GLRA1: variants seen among roughly 807,000 people sequenced by gnomAD.
GLRA1 encodes the protein glycine receptor alpha 1, also known as glycine receptor subunit alpha-1.
A neutral mutation model predicts 48.3 loss-of-function variants in GLRA1; 37 were observed. The observed-to-expected ratio is 0.77, with a 90% confidence interval of 0.59 to 1.01. GLRA1 has a LOEUF of 1.01. Ranked by LOEUF, GLRA1 falls within the 50% of genes least tolerant of loss-of-function variation. GLRA1 has a pLI of 0.00. For synonymous variants in GLRA1, 196 were observed against 210.7 expected (o/e 0.93, Z 0.60); for missense variants, 427 against 571.0 (o/e 0.75, Z 2.57).
chr5:151,832,942 G>C (rs1763462413), intron 7 of GLRA1, among the ~76,000 whole-genome samples: 1 of 152,234 alleles, frequency 6.6e-6, no homozygotes. Flanking sequence ...CAGACTAATA[G>C]CGGATCTCTC....
intron 3 of GLRA1, among the ~76,000 whole-genome samples, chr5:151,879,439 C>T (rs1430296840): frequency 6.6e-6 from 1 of 152,054 alleles, no homozygotes; most frequent in Non-Finnish European, 1.5e-5. Flanking sequence ...ACTGCAACTT[C>T]CGCCTCCTGG....
chr5:151,851,610 A>G lies in GLRA1; in HGVS notation c.698-6T>C, dbSNP rs1264186719. The G allele has an allele frequency of 1.3e-6, 2 of 1,595,538 alleles. No individual in the cohort carries two copies. The highest frequency in any genetic ancestry group is 2.7e-5 in the African/African-American group (2 of 74,708). ...CTCAATGCAGGTGAATTTACCTGCAAGAAATTGCAGTGAGAAGGCAGTGTA... is the reference window on the plus strand; with the variant it reads ...CTCAATGCAGGTGAATTTACCTGCAGGAAATTGCAGTGAGAAGGCAGTGTA... On this transcript the variant is annotated splice_region_variant and splice_polypyrimidine_tract_variant and intron_variant, in intron 6 of 8. Coordinates refer to ENST00000274576, the MANE Select transcript of GLRA1 (RefSeq NM_000171.4).
intron 1 of GLRA1, among the ~76,000 whole-genome samples, chr5:151,923,843 G>A (rs1561586955): frequency 6.6e-6 from 1 of 152,194 alleles, no homozygotes; most frequent in Non-Finnish European, 1.5e-5. Context: ...AAAGGGAAAT[G>A]TTTCCCAGTA....
chr5:151,855,074 C>T lies in GLRA1; in HGVS notation c.663G>A (p.Lys221=). 1 of 1,614,124 alleles carries T rather than the reference C, an allele frequency of 6.2e-7. No individual in the cohort carries two copies. Among genetic ancestry groups the T allele is most frequent in the Non-Finnish European group, 8.5e-7 (1 of 1,179,988 alleles). ...TLPQFILKEE[K]DLRYCTKHYN... ...AGTGCTTGGTGCAGTATCTCAAGTC[C>T]TTCTCTTCCTTCAAGATAAACTGGG... The change falls in exon 6 of 9, where the codon AAG becomes AAA. Residue 221 remains lysine (K), a synonymous_variant. Transcript: ENST00000274576.
intron 6 of GLRA1, among the ~76,000 whole-genome samples, chr5:151,854,101 G>A (rs1752976408): frequency 6.6e-6 from 1 of 152,380 alleles, no homozygotes; most frequent in African/African-American, 2.4e-5. Context: ...GACTTGGTAT[G>A]TGAGGGTCAG....
intron 1 of GLRA1, among the ~76,000 whole-genome samples, chr5:151,896,218 T>C (rs1280856894): frequency 6.6e-6 from 1 of 152,220 alleles, no homozygotes; most frequent in Non-Finnish European, 1.5e-5. Context: ...TGCAGTCTGG[T>C]CACCCAGCCA....
At chr5:151,849,123 TC>T (rs1752777587) in intron 7 of GLRA1, 1 of 204,434 alleles carries the variant, frequency 4.9e-6, no homozygotes, top group African/African-American at 4.9e-5. Context: ...TTTCTTTCTT[TC>T]TTTCTTTCTT....
At chr5:151,858,576 A>G (rs541609931) in intron 4 of GLRA1, among the ~76,000 whole-genome samples, 1 of 152,102 alleles carries the variant, frequency 6.6e-6, no homozygotes, top group East Asian at 1.9e-4. Context: ...ACTTGAGGGG[A>G]TGGGAAGGTG....
chr5:151,893,285 TTTCTTTCTTTC>T (rs1480094172), intron 1 of GLRA1, among the ~76,000 whole-genome samples: 2 of 44,930 alleles, frequency 4.5e-5, no homozygotes, highest in East Asian at 1.0e-3. Context: ...TCTGCCCAAC[TTTCTTTCTTTC>T]TTTCTTTCTT....
rs558689239 is a variant in GLRA1, at chr5:151,894,132, T to G, written c.57-1694A>C. Among the ~76,000 whole-genome samples, 3 of 152,224 alleles carry G rather than the reference T, an allele frequency of 2.0e-5. No individual in the cohort carries two copies. The East Asian group carries it at 5.8e-4, about 29-fold the overall frequency. ...ATGTTGGAGGAAATGCATAGAGATATGAATGTATGTGTGTGTGCGTGTGTG... is the reference window on the plus strand; with the variant it reads ...ATGTTGGAGGAAATGCATAGAGATAGGAATGTATGTGTGTGTGCGTGTGTG... On this transcript the variant is annotated intron_variant, in intron 1 of 8. Coordinates refer to ENST00000274576, the MANE Select transcript of GLRA1 (RefSeq NM_000171.4).
rs572639870 is a variant in GLRA1 at position 151,844,715 on chromosome 5, T to C, written c.912+6675A>G. ...CAGATAAATTAGACTTTATCAAAAT[T>C]AAAAACTTTTGAGCATAAATGATAC... On this transcript the variant is annotated intron_variant, in intron 7 of 8. Transcript: ENST00000274576. Among the ~76,000 whole-genome samples the C allele has an allele frequency of 3.3e-5, 5 of 150,810 alleles. No individual in the cohort carries two copies. In the East Asian group the frequency reaches 9.7e-4, roughly 29 times the overall value.
intron 3 of GLRA1, among the ~76,000 whole-genome samples, chr5:151,870,890 T>G (rs1047071963): frequency 1.3e-5 from 2 of 149,898 alleles, no homozygotes; most frequent in Non-Finnish European, 2.9e-5. Context: ...GGCATTCTTA[T>G]TATTACAATA....
At position 151,892,281 on chromosome 5, in the gene GLRA1, CTGT is replaced by C. The variant is rs748067912; in HGVS notation, c.184+27_184+29del. 2.5e-6 allele frequency: 4 copies of C among 1,610,082 alleles called. No homozygotes were observed. The East Asian group carries it at 8.9e-5, about 36-fold the overall frequency. ...TGCTTTAATCTGGGAAAGCATTTCCCTGTGGGTCTGGAAGGAATATTTTCTCTA... is the reference window on the plus strand; with the variant it reads ...TGCTTTAATCTGGGAAAGCATTTCCCGGGTCTGGAAGGAATATTTTCTCTA... On this transcript the variant is annotated intron_variant, in intron 2 of 8. Coordinates refer to ENST00000274576, the MANE Select transcript of GLRA1 (RefSeq NM_000171.4).
In GLRA1 at chr5:151,849,163, T is replaced by TTTTCTTTCTTTC. The variant is rs200250500; in HGVS notation, c.912+2215_912+2226dup. ...TTCTTTCTTTCTTTCTTTTCTTTTC[T>TTTTCTTTCTTTC]TTTCTTTCTTTCTTTCTTTCTTTCT... On this transcript the variant is annotated intron_variant, in intron 7 of 8. Coordinates refer to ENST00000274576, the MANE Select transcript of GLRA1 (RefSeq NM_000171.4). 128 of 111,064 alleles carry TTTTCTTTCTTTC rather than the reference T, an allele frequency of 1.2e-3. 6 individuals are homozygous for TTTTCTTTCTTTC. The highest frequency in any genetic ancestry group is 7.9e-3 in the African/African-American group (122 of 15,454). The allele number at this position is 111,064 out of a possible 1,614,324, so 6.9% of individuals were successfully genotyped here.
intron 3 of GLRA1, among the ~76,000 whole-genome samples, chr5:151,884,746 C>CT (rs5872233): frequency 0.6 from 91,336 of 152,002 alleles, 27,580 homozygotes; most frequent in East Asian, 0.69. Flanking sequence ...TAACCAGTTC[C>CT]TTACAGAACC....
intron 1 of GLRA1, among the ~76,000 whole-genome samples, chr5:151,900,994 A>C (rs910455551): frequency 1.3e-5 from 2 of 152,230 alleles, no homozygotes; most frequent in Non-Finnish European, 2.9e-5. Context: ...ATTTGGCATC[A>C]GTGATATGAT....
At chr5:151,904,973 C>T (rs1169955207) in intron 1 of GLRA1, among the ~76,000 whole-genome samples, 1 of 152,062 alleles carries the variant, frequency 6.6e-6, no homozygotes, top group African/African-American at 2.4e-5. Context: ...CTACTATGCT[C>T]TTAGTAATTT....
intron 3 of GLRA1, among the ~76,000 whole-genome samples, chr5:151,860,987 T>C (rs1179938282): frequency 1.3e-5 from 2 of 152,244 alleles, no homozygotes; most frequent in South Asian, 4.1e-4. Context: ...TTTGGTTTTT[T>C]GTCCTTGCAA....
intron 1 of GLRA1, among the ~76,000 whole-genome samples, chr5:151,923,463 A>T (rs1754928558): frequency 6.6e-6 from 1 of 152,234 alleles, no homozygotes; most frequent in African/African-American, 2.4e-5. Flanking sequence ...AGAGGCAGGC[A>T]TCTAAAATGA....
Sources: allele counts gnomAD v4.1 joint callset (sites outside exome capture counted in the v4.1 genomes callset), GRCh38; gene constraint gnomAD v4.1.1; transcripts MANE v1.5; gene names NCBI Gene and HGNC (gene_info 2026-07-23, HGNC 2026-07-21).